WT1: variants seen among roughly 807,000 people sequenced by gnomAD.
The protein encoded by WT1 is WT1 transcription factor, also known as Wilms tumor protein.
A neutral mutation model predicts 60.8 loss-of-function variants in WT1; 8 were observed. The observed-to-expected ratio is 0.13, with a 90% confidence interval of 0.08 to 0.24. The LOEUF is 0.24. Among genes scored for constraint, WT1 ranks in the 10% least tolerant of loss-of-function variants. The probability of loss-of-function intolerance (pLI) is 1.00; values close to 1 mark genes in which losing one functional copy is unlikely to be tolerated. For synonymous variants in WT1, 312 were observed against 297.1 expected, an observed-to-expected ratio of 1.05 and a Z score of -0.52; for missense variants, 568 against 711.8, an observed-to-expected ratio of 0.80 and a Z score of 2.30.
rs1010439193 is a variant in WT1, at chr11:32,388,816, T to G, written c.*242A>C. On this transcript the variant is annotated 3_prime_UTR_variant, in exon 10 of 10. Coordinates refer to ENST00000452863, the MANE Select transcript of WT1 (RefSeq NM_024426.6). Reference sequence around the variant, plus strand: ...CACCAAATGGCAATGGGCTTTTAACTAACCAGACATTGTTAGCTGCTTCTC... The same window carrying G: ...CACCAAATGGCAATGGGCTTTTAACGAACCAGACATTGTTAGCTGCTTCTC... The G allele has an allele frequency of 4.8e-6, 3 of 631,530 alleles. No homozygotes were observed. The Admixed American group carries it at 9.1e-5, about 19-fold the overall frequency. 39.1% of individuals were successfully genotyped at this position (631,530 alleles called of 1,614,324 possible).
intron 3 of WT1, among the ~76,000 whole-genome samples, chr11:32,425,277 G>A (rs1404302369): frequency 6.6e-6 from 1 of 151,584 alleles, no homozygotes; most frequent in Non-Finnish European, 1.5e-5. Context: ...AATGCAACAA[G>A]GCAAACAAAA....
chr11:32,403,058 T>C (rs6484577), intron 5 of WT1, among the ~76,000 whole-genome samples: 64,581 of 151,934 alleles, frequency 0.43, 15,542 homozygotes, highest in East Asian at 0.72. Flanking sequence ...GAACAGCAAT[T>C]TGCACAGCTG....
At chr11:32,430,846 A>G in intron 1 of WT1, 1 of 1,255,176 alleles carries the variant, frequency 8.0e-7, no homozygotes, top group Non-Finnish European at 1.0e-6. Context: ...TCTTTTAATT[A>G]GAAGCTTATC....
chr11:32,392,578 CA>C (rs1449071560), intron 8 of WT1, 87 bp downstream of exon 8: 14 of 1,281,428 alleles, frequency 1.1e-5, no homozygotes, highest in African/African-American at 2.9e-5. Context: ...CTGACTCTCT[CA>C]TTCATATTCA....
intron 9 of WT1, among the ~76,000 whole-genome samples, chr11:32,390,463 G>T (rs915740350): frequency 6.6e-5 from 10 of 152,196 alleles, no homozygotes; most frequent in African/African-American, 2.4e-4. Flanking sequence ...AGCATCAAAG[G>T]CACCTGAGGA....
intron 7 of WT1, 39 bp downstream of exon 7, chr11:32,396,218 A>G: frequency 6.2e-7 from 1 of 1,613,818 alleles, no homozygotes. Context: ...GGAGCTCTTG[A>G]ACCATGTTTG....
chr11:32,435,036 G>T lies in WT1; in HGVS notation c.325C>A (p.Pro109Thr). 6.9e-7 allele frequency: 1 copy of T among 1,459,442 alleles called. No homozygotes were observed. The highest frequency in any genetic ancestry group is 8.9e-7 in the Non-Finnish European group (1 of 1,117,816). The allele number at this position is 1,459,442 out of a possible 1,614,324, so 90.4% of individuals were successfully genotyped here. A position where few individuals can be genotyped will look rare whatever the true frequency, so the allele number is the denominator to read the frequency against. The change falls in exon 1 of 10, where the codon CCG (proline) becomes ACG (threonine). Residue 109 changes from proline to threonine, a missense_variant. Pro to Thr is a conservative substitution (Grantham distance 38). Coordinates refer to ENST00000452863, the MANE Select transcript of WT1 (RefSeq NM_024426.6). ...CCCGGGGGCGCAAAGTCCAGCACCG[G>T]CGCCCACTGCGCCGCGCCGCTCACA...
At chr11:32,397,045 T>C (rs546679479) in intron 6 of WT1, among the ~76,000 whole-genome samples, 2 of 152,364 alleles carry the variant, frequency 1.3e-5, no homozygotes, top group East Asian at 3.9e-4. Flanking sequence ...CTGGAATCCA[T>C]CTGCCTTCTG....
At chr11:32,427,038 G>C (rs898600649) in intron 3 of WT1, among the ~76,000 whole-genome samples, 1 of 152,216 alleles carries the variant, frequency 6.6e-6, no homozygotes, top group Non-Finnish European at 1.5e-5. Flanking sequence ...GGATGGGGAT[G>C]GGTTTGGGGG....
chr11:32,432,361 G>A (rs1453715525), intron 1 of WT1, among the ~76,000 whole-genome samples: 1 of 152,160 alleles, frequency 6.6e-6, no homozygotes, highest in Non-Finnish European at 1.5e-5. Context: ...TGCATTCCTG[G>A]GGAAGCAGCA....
chr11:32,405,675 A>C (rs982558683), intron 5 of WT1, among the ~76,000 whole-genome samples: 11 of 152,166 alleles, frequency 7.2e-5, no homozygotes, highest in African/African-American at 2.4e-4. Flanking sequence ...AATGAAAATT[A>C]CAGCACTTCC....
At chr11:32,417,759 C>T (rs535128041) in intron 3 of WT1, 105 bp from the exon 4 acceptor site, 8 of 921,374 alleles carry the variant, frequency 8.7e-6, no homozygotes, top group African/African-American at 6.6e-5. Flanking sequence ...GTGCAAGCCT[C>T]CACATTTTCC....
At position 32,435,179 on chromosome 11, in the gene WT1, C is replaced by CGG; in HGVS notation, c.180_181dup (p.Arg61ProfsTer22). On this transcript the variant is annotated frameshift_variant, in exon 1 of 10. Transcript: ENST00000452863. LOFTEE classifies it high-confidence loss of function. Reference sequence around the variant, plus strand: ...AGACCCGGACGCCCCGCGGCTCCTCCGGCCCTGGAGACGTTCAGCGCTGGC... The same window carrying CGG: ...AGACCCGGACGCCCCGCGGCTCCTCCGGGGCCCTGGAGACGTTCAGCGCTGGC... The CGG allele has an allele frequency of 1.3e-6, 2 of 1,522,428 alleles. No individual in the cohort carries two copies. Among genetic ancestry groups the CGG allele is most frequent in the Non-Finnish European group, 1.8e-6 (2 of 1,140,582 alleles). 94.3% of individuals were successfully genotyped at this position (1,522,428 alleles called of 1,614,324 possible). A position where few individuals can be genotyped will look rare whatever the true frequency, so the allele number is the denominator to read the frequency against.
intron 1 of WT1, among the ~76,000 whole-genome samples, chr11:32,433,887 A>G (rs1248691885): frequency 6.6e-6 from 1 of 152,244 alleles, no homozygotes; most frequent in Admixed American, 6.5e-5. Context: ...CGCGTTTACA[A>G]GATGAAGAGG....
intron 3 of WT1, among the ~76,000 whole-genome samples, chr11:32,423,078 G>A (rs1160637426): frequency 2.0e-5 from 3 of 152,214 alleles, no homozygotes; most frequent in Non-Finnish European, 4.4e-5. Flanking sequence ...AGGAAAGACA[G>A]CAGAAAAGGC....
chr11:32,431,342 C>T (rs11031779), intron 1 of WT1, among the ~76,000 whole-genome samples: 46,846 of 151,974 alleles, frequency 0.31, 9,751 homozygotes, highest in African/African-American at 0.59. Context: ...CCGCACCTGA[C>T]CCTAGGGTGG....
At chr11:32,401,517 TGGTCCGAGAA>T (rs1322342914) in intron 5 of WT1, among the ~76,000 whole-genome samples, 57 of 151,002 alleles carry the variant, frequency 3.8e-4, no homozygotes, top group African/African-American at 1.3e-3. Context: ...GGGGGGGGTG[TGGTCCGAGAA>T]GGATGCATCA....
chr11:32,429,315 T>C (rs1248284332), intron 1 of WT1, among the ~76,000 whole-genome samples: 10 of 152,152 alleles, frequency 6.6e-5, no homozygotes, highest in African/African-American at 2.4e-4. Flanking sequence ...GGTCCGACCC[T>C]GACCACTGCT....
chr11:32,403,900 A>G (rs375645035), intron 5 of WT1, among the ~76,000 whole-genome samples: 21 of 152,132 alleles, frequency 1.4e-4, no homozygotes, highest in East Asian at 9.7e-4. Context: ...TTTTACAGCC[A>G]TCTGTGTGTA....
Sources: gnomAD v4.1 joint callset for allele counts (sites outside exome capture counted in the v4.1 genomes callset) on GRCh38, gnomAD v4.1.1 for gene constraint, MANE v1.5 for transcripts, NCBI Gene and HGNC (gene_info 2026-07-23, HGNC 2026-07-21) for gene names.